The following IL5RA variants were observed in gnomAD, a reference collection of about 807,000 sequenced individuals.
IL5RA encodes interleukin 5 receptor subunit alpha.
IL5RA carries 49 observed loss-of-function variants against 50.0 expected under a neutral mutation model. That is an observed-to-expected ratio of 0.98 (90% confidence interval 0.78 to 1.24). The LOEUF (loss-of-function observed/expected upper bound fraction) is 1.24, where lower values mean the gene tolerates loss of function less well. Ranked by LOEUF, IL5RA falls within the 50% of genes most tolerant of loss-of-function variation. The pLI is 0.00. For missense variants in IL5RA, 600 were observed against 500.4 expected (o/e 1.20, Z -1.90); for synonymous variants, 202 against 174.0 (o/e 1.16, Z -1.26).
intron 9 of IL5RA, among the ~76,000 whole-genome samples, chr3:3,089,475 C>T (rs1040724048): frequency 6.6e-6 from 1 of 152,186 alleles, no homozygotes; most frequent in Non-Finnish European, 1.5e-5. Flanking sequence ...TGAAGACCTA[C>T]CCCATAGCTT....
At chr3:3,071,914 CTG>C (rs1406295486) in intron 11 of IL5RA, among the ~76,000 whole-genome samples, 1 of 152,156 alleles carries the variant, frequency 6.6e-6, no homozygotes, top group Non-Finnish European at 1.5e-5. Context: ...AAATTTCTAA[CTG>C]AGGTCTGAAC....
At chr3:3,072,669 C>T (rs1291574124) in intron 11 of IL5RA, among the ~76,000 whole-genome samples, 2 of 152,190 alleles carry the variant, frequency 1.3e-5, no homozygotes, top group East Asian at 3.9e-4. Flanking sequence ...CCTGTAATCC[C>T]AGCACTTTGG....
rs376063854 is a variant in IL5RA, at chr3:3,101,746, C to T, written c.313G>A (p.Asp105Asn). Residue 105 changes from aspartate (D) to asparagine (N), a missense_variant, in exon 5 of 12, where the codon GAC (aspartate) becomes AAC (asparagine). Physicochemically the swap from Asp to Asn is conservative, Grantham distance 23 (BLOSUM62 1). Transcript: ENST00000446632. The stretch of plus-strand genomic sequence containing the variant: ...CAGCTGCTGGCCAGTAGTGAGTGGT[C>T]GTTCTGCAGGATGGTCCGCACACTT... ...SASVRTILQN[D>N]HSLLASSWAS... is the part of the protein sequence containing the mutation. 118 of 1,614,104 alleles carry T rather than the reference C, an allele frequency of 7.3e-5. No homozygotes were observed. The Middle Eastern group carries it at 8.3e-4, about 11-fold the overall frequency.
chr3:3,075,895 C>T (rs559486071), intron 10 of IL5RA, among the ~76,000 whole-genome samples: 46 of 152,056 alleles, frequency 3.0e-4, no homozygotes, highest in Non-Finnish European at 6.5e-4. Flanking sequence ...CCCCCACACC[C>T]GGACCTTATA....
rs1703452494 is a variant in IL5RA at position 3,098,143 on chromosome 3, T to C, written c.515A>G (p.Tyr172Cys). The C allele has an allele frequency of 1.2e-6, 2 of 1,614,140 alleles. No homozygotes were observed. Among genetic ancestry groups the C allele is most frequent in the Middle Eastern group, 1.6e-4 (1 of 6,062 alleles). ...AAATAGGTACAGTACTAACCTATAG[T>C]AGAGAAAATACTGCGTGTCCTCAGG... The part of the protein sequence containing the change: ...DAPEDTQYFL[Y>C]YRYGSWTEEC... Residue 172 changes from tyrosine (Y) to cysteine (C), a missense_variant, in exon 6 of 12, where the codon TAC becomes TGC. By Grantham distance (194) the Tyr-to-Cys change is radical. Coordinates refer to ENST00000446632, the MANE Select transcript of IL5RA (RefSeq NM_175726.4).
At chr3:3,100,604 C>G (rs1703600585) in intron 5 of IL5RA, among the ~76,000 whole-genome samples, 1 of 152,156 alleles carries the variant, frequency 6.6e-6, no homozygotes, top group Non-Finnish European at 1.5e-5. Context: ...TGGTTCAAAA[C>G]AGAAATAATT....
intron 9 of IL5RA, among the ~76,000 whole-genome samples, chr3:3,090,541 AT>A (rs1703043141): frequency 8.1e-6 from 1 of 123,908 alleles, no homozygotes; most frequent in Non-Finnish European, 1.8e-5. Flanking sequence ...CAGGGTTTGA[AT>A]TTTCTTTTTT....
At chr3:3,084,132 A>G (rs1702767501) in intron 9 of IL5RA, among the ~76,000 whole-genome samples, 1 of 151,760 alleles carries the variant, frequency 6.6e-6, no homozygotes, top group Non-Finnish European at 1.5e-5. Flanking sequence ...TAGCCTCTCC[A>G]GCTTCTATGT....
chr3:3,090,636 G>T (rs1356042353), intron 9 of IL5RA, among the ~76,000 whole-genome samples: 1 of 142,362 alleles, frequency 7.0e-6, no homozygotes, highest in Non-Finnish European at 1.5e-5. Context: ...GTGCGATCTC[G>T]GCTCACTGCA....
intron 9 of IL5RA, among the ~76,000 whole-genome samples, chr3:3,077,418 C>A (rs941028019): frequency 3.3e-5 from 5 of 152,176 alleles, no homozygotes; most frequent in African/African-American, 1.2e-4. Context: ...CTTCTAGGAA[C>A]TTCTATGATA....
intron 5 of IL5RA, among the ~76,000 whole-genome samples, chr3:3,100,003 C>T (rs961427957): frequency 6.6e-6 from 1 of 152,144 alleles, no homozygotes; most frequent in Non-Finnish European, 1.5e-5. Flanking sequence ...ATGTTTGCTT[C>T]ATTAAGGATT....
At position 3,098,172 on chromosome 3, in the gene IL5RA, A is replaced by G. The variant is rs1302519711; in HGVS notation, c.486T>C (p.Asp162=). 2 of 1,614,196 alleles carry G rather than the reference A, an allele frequency of 1.2e-6. No homozygotes were observed. The highest frequency in any genetic ancestry group is 2.2e-5 in the East Asian group (1 of 44,874). ...SLHCTWLVGT[D]APEDTQYFLY... is the part of the protein sequence containing the mutation. ...GAAAATACTGCGTGTCCTCAGGGGC[A>G]TCTGTGCCAACAAGCCAGGTGCAGT... The change falls in exon 6 of 12, where the codon GAT becomes GAC. Residue 162 remains aspartate (D), a synonymous_variant. Coordinates refer to ENST00000446632, the MANE Select transcript of IL5RA (RefSeq NM_175726.4).
intron 9 of IL5RA, among the ~76,000 whole-genome samples, chr3:3,081,629 T>C (rs1702667261): frequency 6.6e-6 from 1 of 152,244 alleles, no homozygotes; most frequent in South Asian, 2.1e-4. Context: ...AGTACCGTTT[T>C]CTTCTGACCA....
rs1025584206 is a variant in IL5RA, at chr3:3,092,191, G to A, written c.994+33C>T. 2.5e-6 allele frequency: 4 copies of A among 1,602,744 alleles called. No homozygotes were observed. In the African/African-American group the frequency reaches 4.0e-5, roughly 16 times the overall value. On this transcript the variant is annotated intron_variant, in intron 9 of 11. Coordinates refer to ENST00000446632, the MANE Select transcript of IL5RA (RefSeq NM_175726.4). The surrounding 1 kb of genome is among the most constrained non-coding windows in gnomAD (Gnocchi z 4.2). ...ATTACCTTTTTTGATCACAAGGAAGGCTGCCAATGTAAAATAAACATAAGC... is the reference window on the plus strand; with the variant it reads ...ATTACCTTTTTTGATCACAAGGAAGACTGCCAATGTAAAATAAACATAAGC...
chr3:3,101,949 G>T, intron 4 of IL5RA, 119 bp from the exon 5 acceptor site: 1 of 931,204 alleles, frequency 1.1e-6, no homozygotes, highest in Non-Finnish European at 1.6e-6. Flanking sequence ...CAATGAAATA[G>T]TTTTGCTAGA....
intron 7 of IL5RA, 150 bp from the exon 8 acceptor site, chr3:3,095,594 C>T (rs540568179): frequency 4.5e-6 from 3 of 670,092 alleles, no homozygotes; most frequent in Non-Finnish European, 7.6e-6. Context: ...GATCTCCAAG[C>T]CACAGGAAGC....
At chr3:3,094,119 T>A (rs1703251114) in intron 8 of IL5RA, among the ~76,000 whole-genome samples, 1 of 152,236 alleles carries the variant, frequency 6.6e-6, no homozygotes, top group Non-Finnish European at 1.5e-5. Flanking sequence ...TTTTTAATTG[T>A]AAAATACATA....
intron 9 of IL5RA, among the ~76,000 whole-genome samples, chr3:3,079,736 A>G (rs886315029): frequency 6.6e-6 from 1 of 152,226 alleles, no homozygotes; most frequent in African/African-American, 2.4e-5. Flanking sequence ...TTGGTTTTAG[A>G]AAAGCAGTGC....
intron 9 of IL5RA, among the ~76,000 whole-genome samples, chr3:3,089,462 T>G (rs887206684): frequency 6.6e-6 from 1 of 152,312 alleles, no homozygotes; most frequent in Admixed American, 6.5e-5. Flanking sequence ...CCCGAGACTT[T>G]CCTGAAGACC....
Sources: allele counts gnomAD v4.1 joint callset (sites outside exome capture counted in the v4.1 genomes callset), GRCh38; gene constraint gnomAD v4.1.1; non-coding constraint Gnocchi (gnomAD v3.1); transcripts MANE v1.5; gene names NCBI Gene and HGNC (gene_info 2026-07-23, HGNC 2026-07-21).